The following ZFAT variants were observed in gnomAD, a reference collection of about 807,000 sequenced individuals.
The protein encoded by ZFAT is zinc finger protein ZFAT.
A neutral mutation model predicts 117.7 loss-of-function variants in ZFAT; 64 were observed. The observed-to-expected ratio is 0.54, with a 90% CI of 0.44 to 0.67. The LOEUF (loss-of-function observed/expected upper bound fraction) is 0.67, where lower values mean the gene tolerates loss of function less well. Among genes scored for constraint, ZFAT ranks in the 30% least tolerant of loss-of-function variants. The pLI is 0.00. For synonymous variants in ZFAT, 679 were observed against 615.0 expected (o/e 1.10, Z -1.54); for missense variants, 1,433 against 1,584.5 (o/e 0.90, Z 1.62).
chr8:134,489,191 A>G (rs1221452058), intron 15 of ZFAT, among the ~76,000 whole-genome samples: 2 of 152,066 alleles, frequency 1.3e-5, no homozygotes, highest in South Asian at 4.1e-4. Context: ...GGAGGGGACT[A>G]TGGGGAAGAG....
At chr8:134,759,675 A>G in the ZFAT span, among the ~76,000 whole-genome samples, 7 of 152,056 alleles carry the variant, frequency 4.6e-5, no homozygotes, top group Admixed American at 4.6e-4. Context: ...TTAGAATTGA[A>G]TTTTTAAAAT....
At chr8:134,686,378 G>A (rs1356334227) in intron 1 of ZFAT, among the ~76,000 whole-genome samples, 2 of 152,184 alleles carry the variant, frequency 1.3e-5, no homozygotes. Flanking sequence ...GACTTCTGGG[G>A]TGCAGGGGAG....
chr8:134,565,296 G>A (rs779573570), intron 11 of ZFAT, 37 bp downstream of exon 11: 27 of 1,609,688 alleles, frequency 1.7e-5, no homozygotes, highest in South Asian at 9.9e-5. Context: ...CGCCTTTTTT[G>A]TCTGAACATC....
chr8:134,797,189 T>C, the ZFAT span: 2 of 152,234 alleles, frequency 1.3e-5, no homozygotes, highest in East Asian at 1.9e-4. Flanking sequence ...TGCTATTGAC[T>C]ACACATAGGA....
the ZFAT span, among the ~76,000 whole-genome samples, chr8:134,818,833 G>A: frequency 9.2e-5 from 14 of 152,212 alleles, no homozygotes; most frequent in Non-Finnish European, 1.9e-4. Context: ...GGTGAAAGTA[G>A]CCAGACAAAA....
intron 3 of ZFAT, among the ~76,000 whole-genome samples, chr8:134,614,423 A>G (rs1828572882): frequency 6.6e-6 from 1 of 152,196 alleles, no homozygotes; most frequent in Non-Finnish European, 1.5e-5. Context: ...AAGGCAGCTC[A>G]GATTTCCCCT....
At chr8:134,633,460 T>C (rs1257370178) in intron 3 of ZFAT, among the ~76,000 whole-genome samples, 1 of 152,220 alleles carries the variant, frequency 6.6e-6, no homozygotes, top group Non-Finnish European at 1.5e-5. Flanking sequence ...AGTAGTGCTT[T>C]TTGATCAGAG....
chr8:134,813,249 G>A, the ZFAT span, among the ~76,000 whole-genome samples: 1 of 152,268 alleles, frequency 6.6e-6, no homozygotes, highest in Non-Finnish European at 1.5e-5. Flanking sequence ...ATTTTAGGCT[G>A]CTAACTTGTG....
chr8:134,822,703 G>GA, the ZFAT span, among the ~76,000 whole-genome samples: 1 of 151,876 alleles, frequency 6.6e-6, no homozygotes, highest in Non-Finnish European at 1.5e-5. Context: ...AAATAACTTG[G>GA]AAAAAACTCT....
intron 1 of ZFAT, among the ~76,000 whole-genome samples, chr8:134,693,380 G>C (rs559448032): frequency 6.6e-6 from 1 of 152,244 alleles, no homozygotes; most frequent in East Asian, 1.9e-4. Flanking sequence ...ATTAAACAAT[G>C]AGAAAAGATT....
the ZFAT span, among the ~76,000 whole-genome samples, chr8:134,725,672 C>G: frequency 6.6e-6 from 1 of 151,910 alleles, no homozygotes; most frequent in Admixed American, 6.6e-5. Flanking sequence ...GGACACAGAG[C>G]CAAACTGTAT....
At chr8:134,739,546 A>C in the ZFAT span, among the ~76,000 whole-genome samples, 1 of 152,200 alleles carries the variant, frequency 6.6e-6, no homozygotes, top group South Asian at 2.1e-4. Flanking sequence ...GAAGTGTTGG[A>C]AGGCCCAGAT....
intron 11 of ZFAT, among the ~76,000 whole-genome samples, chr8:134,547,397 C>T (rs1322480911): frequency 6.6e-6 from 1 of 152,192 alleles, no homozygotes; most frequent in Non-Finnish European, 1.5e-5. Flanking sequence ...GTGCTGTTTT[C>T]ACAGCAGCAA....
intron 15 of ZFAT, among the ~76,000 whole-genome samples, chr8:134,493,660 C>G (rs1039809371): frequency 6.6e-5 from 10 of 152,234 alleles, no homozygotes; most frequent in African/African-American, 2.4e-4. Flanking sequence ...CAGTGCCTGG[C>G]ACAGGGCAGG....
intron 13 of ZFAT, among the ~76,000 whole-genome samples, chr8:134,515,207 T>C (rs969322067): frequency 6.6e-6 from 1 of 152,260 alleles, no homozygotes; most frequent in Non-Finnish European, 1.5e-5. Flanking sequence ...CAGTCTATCA[T>C]TGATGGGCAT....
At chr8:134,822,648 G>A in the ZFAT span, among the ~76,000 whole-genome samples, 1 of 152,028 alleles carries the variant, frequency 6.6e-6, no homozygotes, top group Non-Finnish European at 1.5e-5. Context: ...AAGGACAGAT[G>A]GGGGATTATT....
intron 15 of ZFAT, among the ~76,000 whole-genome samples, chr8:134,490,976 C>A (rs888912546): frequency 2.0e-5 from 3 of 152,200 alleles, no homozygotes; most frequent in African/African-American, 7.2e-5. Context: ...AACCCTCCAT[C>A]CCTTGTAGAG....
intron 10 of ZFAT, among the ~76,000 whole-genome samples, chr8:134,578,461 C>T (rs946589163): frequency 4.7e-5 from 7 of 147,842 alleles, no homozygotes; most frequent in Admixed American, 2.0e-4. Context: ...TGGAGAGATG[C>T]TAGCTGGGGG....
Position 134,641,204 on chromosome 8 carries a change from G to A in ZFAT, c.197-3492C>T, listed in dbSNP as rs139539326. 7.2e-5 allele frequency among the ~76,000 whole-genome samples: 11 copies of A among 152,038 alleles called. 1 individual carries two copies. The highest frequency in any genetic ancestry group is 2.4e-4 in the African/African-American group (10 of 41,470). On this transcript the variant is annotated intron_variant, in intron 2 of 15. Coordinates refer to ENST00000377838, the MANE Select transcript of ZFAT (RefSeq NM_020863.4). ...CCTGGCCTTCAAGGTCCTTTAGCAC[G>A]TGATCCAACCCTGCACATATGCACA...
Sources: allele counts gnomAD v4.1 joint callset (sites outside exome capture counted in the v4.1 genomes callset), GRCh38; gene constraint gnomAD v4.1.1; transcripts MANE v1.5; gene names NCBI Gene and HGNC (gene_info 2026-07-23, HGNC 2026-07-21).